Variants in FBLN7 observed in about 807,000 individuals in gnomAD.
The protein encoded by FBLN7 is fibulin-7.
A neutral mutation model predicts 44.0 loss-of-function variants in FBLN7; 31 were observed. The ratio of observed to expected loss-of-function variants is 0.70; its 90% confidence interval spans 0.53 to 0.95. The LOEUF (loss-of-function observed/expected upper bound fraction) is 0.95, where lower values mean the gene tolerates loss of function less well. FBLN7 is among the 40% of genes least tolerant of loss of function. FBLN7 has a pLI of 0.00. For synonymous variants in FBLN7, 262 were observed against 253.4 expected (o/e 1.03, Z -0.32); for missense variants, 573 against 618.5 (o/e 0.93, Z 0.78).
chr2:112,217,599 C>T, the FBLN7 span, among the ~76,000 whole-genome samples: 1 of 152,168 alleles, frequency 6.6e-6, no homozygotes, highest in Non-Finnish European at 1.5e-5. Context: ...AGATCTTCCA[C>T]ATGTTTCATT....
chr2:112,167,922 TCACTGCTACTTGCCCTG>T (rs1682255527), intron 3 of FBLN7, among the ~76,000 whole-genome samples: 2 of 152,204 alleles, frequency 1.3e-5, no homozygotes, highest in South Asian at 2.1e-4. Flanking sequence ...TATGTTATGT[TCACTGCTACTTGCCCTG>T]ATGTTTTGGG....
chr2:112,180,714 A>C (rs1682936358), intron 4 of FBLN7, among the ~76,000 whole-genome samples: 1 of 152,030 alleles, frequency 6.6e-6, no homozygotes, highest in African/African-American at 2.4e-5. Context: ...AAGTCAGGAG[A>C]TCAAGACCAT....
At chr2:112,227,722 C>T in the FBLN7 span, among the ~76,000 whole-genome samples, 1 of 152,100 alleles carries the variant, frequency 6.6e-6, no homozygotes, top group Non-Finnish European at 1.5e-5. Flanking sequence ...CAATTCCATT[C>T]AATAGCATCA....
chr2:112,199,759 T>G, the FBLN7 span, among the ~76,000 whole-genome samples: 1 of 152,206 alleles, frequency 6.6e-6, no homozygotes, highest in Admixed American at 6.5e-5. Flanking sequence ...CATGAATGGA[T>G]TAATGGGTTA....
At chr2:112,198,767 C>T in the FBLN7 span, among the ~76,000 whole-genome samples, 6 of 152,206 alleles carry the variant, frequency 3.9e-5, no homozygotes, top group Non-Finnish European at 7.3e-5. Flanking sequence ...ACCAAACCTG[C>T]TGGAACCTTG....
At position 112,181,869 on chromosome 2, in the gene FBLN7, C is replaced by A; in HGVS notation, c.663C>A (p.Val221=). ...FHLSGAAGDS[V]CQDVNECELY... ...TGAGCGGCGCCGCCGGCGACAGCGT[C>A]TGCCAGGGTAGGCGCGGGCTCCGCC... The change falls in exon 5 of 8, where the codon GTC becomes GTA. Residue 221 remains valine, a synonymous_variant. Coordinates refer to ENST00000331203, the MANE Select transcript of FBLN7 (RefSeq NM_153214.3). 1 of 1,532,654 alleles carries A rather than the reference C, an allele frequency of 6.5e-7. No individual in the cohort carries two copies. Among genetic ancestry groups the A allele is most frequent in the Middle Eastern group, 1.8e-4 (1 of 5,560 alleles). 94.9% of individuals were successfully genotyped at this position (1,532,654 alleles called of 1,614,324 possible).
At chr2:112,226,307 G>A in the FBLN7 span, among the ~76,000 whole-genome samples, 25 of 151,722 alleles carry the variant, frequency 1.6e-4, no homozygotes, top group African/African-American at 5.6e-4. Context: ...AAAAAAAAGC[G>A]GCTGGGCGCG....
chr2:112,181,083 G>A (rs918954634), intron 4 of FBLN7, among the ~76,000 whole-genome samples: 7 of 152,090 alleles, frequency 4.6e-5, no homozygotes, highest in Non-Finnish European at 8.8e-5. Flanking sequence ...ACTAACATAG[G>A]AACAGAAAAC....
intron 3 of FBLN7, among the ~76,000 whole-genome samples, chr2:112,171,913 A>AT (rs1682485540): frequency 6.6e-6 from 1 of 151,888 alleles, no homozygotes; most frequent in African/African-American, 2.4e-5. Context: ...TACCCGGCTA[A>AT]TTTTTTTGTA....
intron 1 of FBLN7, chr2:112,152,547 T>G (rs1314321625): frequency 2.0e-5 from 3 of 152,236 alleles, no homozygotes; most frequent in Non-Finnish European, 4.4e-5. Flanking sequence ...TCCAGATATT[T>G]GCTCAAACAC....
chr2:112,199,751 T>C, the FBLN7 span, among the ~76,000 whole-genome samples: 11 of 152,238 alleles, frequency 7.2e-5, no homozygotes, highest in African/African-American at 2.4e-4. Flanking sequence ...TCTGCCCTCA[T>C]GAATGGATTA....
At chr2:112,238,340 T>A in the FBLN7 span, 1 of 1,613,760 alleles carries the variant, frequency 6.2e-7, no homozygotes, top group East Asian at 2.2e-5. Context: ...TTACTCCTTC[T>A]TTCTTTGTAG....
At chr2:112,189,858 A>T (rs371482283), downstream of FBLN7, 16 of 152,166 alleles carry the variant, frequency 1.1e-4, 2 homozygotes, top group Admixed American at 9.8e-4. Context: ...GATAACCAAA[A>T]TGCCATTCAC....
At chr2:112,201,032 C>A in the FBLN7 span, among the ~76,000 whole-genome samples, 1 of 152,160 alleles carries the variant, frequency 6.6e-6, no homozygotes, top group African/African-American at 2.4e-5. Flanking sequence ...AATGCCCTTC[C>A]ACAGCTTCCA....
chr2:112,171,619 A>G (rs965882464), intron 3 of FBLN7, among the ~76,000 whole-genome samples: 1 of 152,212 alleles, frequency 6.6e-6, no homozygotes, highest in African/African-American at 2.4e-5. Context: ...AATTAATGAA[A>G]AAAAGATGAA....
At chr2:112,172,872 G>A (rs933391519) in intron 3 of FBLN7, among the ~76,000 whole-genome samples, 1 of 152,036 alleles carries the variant, frequency 6.6e-6, no homozygotes, top group Non-Finnish European at 1.5e-5. Flanking sequence ...GGCCTCAAGT[G>A]ATCCACCCGC....
At chr2:112,167,847 T>C (rs1266636299) in intron 3 of FBLN7, among the ~76,000 whole-genome samples, 3 of 133,954 alleles carry the variant, frequency 2.2e-5, no homozygotes, top group Non-Finnish European at 4.9e-5. Flanking sequence ...TGTATGTGTG[T>C]CATCTCTGTC....
the FBLN7 span, among the ~76,000 whole-genome samples, chr2:112,223,009 A>C: frequency 5.9e-5 from 9 of 152,210 alleles, no homozygotes. Context: ...TTTTAAAATA[A>C]GAAATGAGTG....
At chr2:112,176,608 C>T (rs1410532135) in intron 4 of FBLN7, 3 of 152,172 alleles carry the variant, frequency 2.0e-5, no homozygotes, top group Non-Finnish European at 2.9e-5. Flanking sequence ...GGCACTGGAC[C>T]CAGCCCAAGC....
Sources: allele counts gnomAD v4.1 joint callset (sites outside exome capture counted in the v4.1 genomes callset), GRCh38; gene constraint gnomAD v4.1.1; transcripts MANE v1.5; gene names NCBI Gene and HGNC (gene_info 2026-07-23, HGNC 2026-07-21).